The following ZNF521 variants were observed in gnomAD, a reference collection of about 807,000 sequenced individuals.
ZNF521 encodes zinc finger protein 521.
In ZNF521, 14 loss-of-function variants were observed where a neutral mutation model predicts 105.5. The ratio of observed to expected loss-of-function variants is 0.13; its 90% CI spans 0.09 to 0.21. The LOEUF is 0.21. Ranked by LOEUF, ZNF521 falls within the 10% of genes least tolerant of loss-of-function variation. The probability of loss-of-function intolerance (pLI) is 1.00; values close to 1 mark genes in which losing one functional copy is unlikely to be tolerated. For missense variants in ZNF521, 1,233 were observed against 1,629.7 expected (o/e 0.76, Z 4.19); for synonymous variants, 635 against 606.0 (o/e 1.05, Z -0.70).
In ZNF521 at chr18:25,225,239, T is replaced by C. The variant is rs779609166; in HGVS notation, c.2679A>G (p.Ala893=). The C allele has an allele frequency of 1.9e-5, 30 of 1,614,062 alleles. No individual in the cohort carries two copies. Among genetic ancestry groups the C allele is most frequent in the Non-Finnish European group, 2.1e-5 (25 of 1,180,042 alleles). Reference sequence around the variant, plus strand: ...GCAGCAAAGTTTCCATAGTGTAGGCTGCCCCACAAATGTCGCAGCCGTACA... The same window carrying C: ...GCAGCAAAGTTTCCATAGTGTAGGCCGCCCCACAAATGTCGCAGCCGTACA... The part of the protein sequence containing the change: ...EPMYGCDICG[A]AYTMETLLQN... The change falls in exon 4 of 8, where the codon GCA becomes GCG. Residue 893 remains alanine (A), a synonymous_variant. Transcript: ENST00000361524. The surrounding 1 kb of genome is among the most constrained non-coding windows in gnomAD (Gnocchi z 5.6).
At chr18:25,270,339 C>G (rs1231736621) in intron 3 of ZNF521, among the ~76,000 whole-genome samples, 1 of 152,120 alleles carries the variant, frequency 6.6e-6, no homozygotes, top group East Asian at 1.9e-4. Flanking sequence ...CTGAATCATA[C>G]CAGAGGTACA....
Position 25,174,495 on chromosome 18 carries a change from G to A in ZNF521, c.3658+20665C>T, listed in dbSNP as rs1318077022. Among the ~76,000 whole-genome samples the A allele has an allele frequency of 2.0e-5, 3 of 152,314 alleles. No individual in the cohort carries two copies. The East Asian group carries it at 5.8e-4, about 29-fold the overall frequency. On this transcript the variant is annotated intron_variant, in intron 5 of 7. Transcript: ENST00000361524. ...ACTGCTGCTTATTTTGAGAGGGCAG[G>A]TGGGGGAGACAGCGAGTGTTTGGAT... is the stretch of plus-strand genomic sequence containing the variant.
At chr18:25,082,557 C>A (rs1412378434) in intron 7 of ZNF521, 2 of 447,238 alleles carry the variant, frequency 4.5e-6, no homozygotes, top group Admixed American at 2.4e-5. Flanking sequence ...AAATTTTGGC[C>A]TGGTGTGATG....
chr18:25,081,236 T>TC (rs1275029387), intron 7 of ZNF521, among the ~76,000 whole-genome samples: 1 of 152,162 alleles, frequency 6.6e-6, no homozygotes, highest in Non-Finnish European at 1.5e-5. Context: ...TGGCCATCTG[T>TC]CGTCAACTCT....
chr18:25,283,842 G>A lies in ZNF521; in HGVS notation c.220+38166C>T, dbSNP rs560833937. On this transcript the variant is annotated intron_variant, in intron 3 of 7. Transcript: ENST00000361524. ...TTTTAATCCCTCACCACTTTTAAAC[G>A]GAATCAGTTGAAGAAAAAAAATCAA... Among the ~76,000 whole-genome samples, 12 of 151,972 alleles carry A rather than the reference G, an allele frequency of 7.9e-5. No individual in the cohort carries two copies. The South Asian group carries it at 1.2e-3, about 16-fold the overall frequency.
chr18:25,317,803 A>G (rs896145915), intron 3 of ZNF521, among the ~76,000 whole-genome samples: 1 of 152,194 alleles, frequency 6.6e-6, no homozygotes, highest in Non-Finnish European at 1.5e-5. Context: ...TGCCCAACAG[A>G]ATGTCAAAAT....
chr18:25,210,929 C>A (rs2036168268), intron 4 of ZNF521, among the ~76,000 whole-genome samples: 1 of 152,214 alleles, frequency 6.6e-6, no homozygotes, highest in Non-Finnish European at 1.5e-5. Context: ...TAAAGCTTCT[C>A]CTCTTTACAA....
intron 3 of ZNF521, among the ~76,000 whole-genome samples, chr18:25,273,030 CAGCCTGGGCAACATGGCAA>C (rs1236631492): frequency 4.8e-4 from 72 of 151,486 alleles, no homozygotes; most frequent in African/African-American, 1.7e-3. Flanking sequence ...AGTTCAAGAC[CAGCCTGGGCAACATGGCAA>C]AATCCTCTCT....
rs772847976 is a variant in ZNF521, at chr18:25,226,760, G to A, written c.1158C>T (p.Ala386=). The A allele has an allele frequency of 9.3e-6, 15 of 1,613,970 alleles. No homozygotes were observed. Among genetic ancestry groups the A allele is most frequent in the Admixed American group, 3.3e-5 (2 of 60,004 alleles). The stretch of plus-strand genomic sequence containing the variant: ...CAGTCATGTCAGGGGTTTGTTGAGC[G>A]GCCCTCTTCCTCCCTCGACTCTTTG... The part of the protein sequence containing the change: ...PIPKSRGRKR[A]AQQTPDMTGP... Residue 386 remains alanine (A), a synonymous_variant, in exon 4 of 8, where the codon GCC becomes GCT. Coordinates refer to ENST00000361524, the MANE Select transcript of ZNF521 (RefSeq NM_015461.3). The surrounding 1 kb of genome is among the most constrained non-coding windows in gnomAD (Gnocchi z 4.1).
At chr18:25,191,744 C>G (rs2035821574) in intron 5 of ZNF521, among the ~76,000 whole-genome samples, 1 of 152,144 alleles carries the variant, frequency 6.6e-6, no homozygotes, top group Admixed American at 6.6e-5. Context: ...TTACTCTATG[C>G]TGTTGAGCCT....
In ZNF521 at chr18:25,088,514, C is replaced by T. The variant is rs372982359; in HGVS notation, c.3906+951G>A. On this transcript the variant is annotated intron_variant, in intron 7 of 7. Coordinates refer to ENST00000361524, the MANE Select transcript of ZNF521 (RefSeq NM_015461.3). Reference sequence around the variant, plus strand: ...GATTACAGGTGTGAGCCACCGTGCCCGGCCAACAGAATAATTTTCAGTTCG... The same window carrying T: ...GATTACAGGTGTGAGCCACCGTGCCTGGCCAACAGAATAATTTTCAGTTCG... Among the ~76,000 whole-genome samples the T allele has an allele frequency of 1.1e-4, 16 of 152,108 alleles. No individual in the cohort carries two copies. The East Asian group carries it at 1.2e-3, about 11-fold the overall frequency.
chr18:25,172,039 G>A (rs1167397398), intron 5 of ZNF521, among the ~76,000 whole-genome samples: 1 of 151,992 alleles, frequency 6.6e-6, no homozygotes, highest in Non-Finnish European at 1.5e-5. Flanking sequence ...GGGGGGAAGA[G>A]GGGGCATGAG....
intron 5 of ZNF521, among the ~76,000 whole-genome samples, chr18:25,165,515 CCTT>C (rs2035324153): frequency 6.6e-6 from 1 of 152,186 alleles, no homozygotes. Context: ...TCCCACAGCT[CCTT>C]CTCCAGAGAC....
chr18:25,245,412 C>T (rs1907638428), intron 3 of ZNF521, among the ~76,000 whole-genome samples: 1 of 152,110 alleles, frequency 6.6e-6, no homozygotes, highest in Non-Finnish European at 1.5e-5. Flanking sequence ...TGATGAACCT[C>T]CATTGACACA....
intron 3 of ZNF521, among the ~76,000 whole-genome samples, chr18:25,254,082 A>G (rs1336940213): frequency 2.0e-5 from 3 of 152,108 alleles, no homozygotes; most frequent in African/African-American, 7.2e-5. Flanking sequence ...CAGCCCAGAG[A>G]AATTAAGTTC....
intron 2 of ZNF521, among the ~76,000 whole-genome samples, chr18:25,334,359 G>A (rs560109883): frequency 5.3e-5 from 8 of 152,238 alleles, no homozygotes; most frequent in African/African-American, 9.6e-5. Flanking sequence ...GGTTTATGAC[G>A]AGTCTTGGCT....
chr18:25,133,998 C>T (rs1357509546), intron 5 of ZNF521, among the ~76,000 whole-genome samples: 1 of 152,042 alleles, frequency 6.6e-6, no homozygotes, highest in Non-Finnish European at 1.5e-5. Context: ...CATTTTTGTG[C>T]CACAGAGTAA....
At chr18:25,287,938 G>C (rs1217449912) in intron 3 of ZNF521, among the ~76,000 whole-genome samples, 1 of 152,088 alleles carries the variant, frequency 6.6e-6, no homozygotes, top group Non-Finnish European at 1.5e-5. Flanking sequence ...GTTTGCTTTA[G>C]AAATGTCACA....
At chr18:25,116,640 A>C (rs982203703) in intron 5 of ZNF521, among the ~76,000 whole-genome samples, 6 of 152,010 alleles carry the variant, frequency 3.9e-5, no homozygotes, top group Non-Finnish European at 8.8e-5. Context: ...TGAAGGCATT[A>C]GCATGTGAAT....
Sources: gnomAD v4.1 joint callset for allele counts (sites outside exome capture counted in the v4.1 genomes callset) on GRCh38, gnomAD v4.1.1 for gene constraint, Gnocchi (gnomAD v3.1) non-coding constraint, MANE v1.5 for transcripts, NCBI Gene and HGNC (gene_info 2026-07-23, HGNC 2026-07-21) for gene names.